The following DLGAP1 variants were observed in gnomAD, a reference collection of about 807,000 sequenced individuals.
DLGAP1 encodes the protein disks large-associated protein 1.
DLGAP1 carries 11 observed loss-of-function variants against 90.8 expected under a neutral mutation model. That is an observed-to-expected ratio of 0.12 (90% confidence interval 0.08 to 0.20). The LOEUF is 0.20. Among genes scored for constraint, DLGAP1 ranks in the 10% least tolerant of loss-of-function variants. DLGAP1 has a pLI of 1.00. For synonymous variants in DLGAP1, 558 were observed against 540.7 expected, an observed-to-expected ratio of 1.03 and a Z score of -0.44; for missense variants, 1,050 against 1,333.8, an observed-to-expected ratio of 0.79 and a Z score of 3.31.
intron 10 of DLGAP1, among the ~76,000 whole-genome samples, chr18:3,512,426 C>T (rs775636585): frequency 6.6e-6 from 1 of 152,108 alleles, no homozygotes; most frequent in Non-Finnish European, 1.5e-5. Context: ...GGGATTCTTC[C>T]TATTTAAGAA....
At chr18:4,419,996 T>C (rs931412370) in intron 1 of DLGAP1, among the ~76,000 whole-genome samples, 5 of 152,026 alleles carry the variant, frequency 3.3e-5, no homozygotes, top group African/African-American at 9.7e-5. Context: ...AATAAGTAGA[T>C]GGAAGAAGTT....
At chr18:4,442,998 T>A (rs1940951702) in intron 1 of DLGAP1, among the ~76,000 whole-genome samples, 1 of 152,206 alleles carries the variant, frequency 6.6e-6, no homozygotes, top group African/African-American at 2.4e-5. Flanking sequence ...AAGGAATGAA[T>A]GAATGGATTG....
rs1252749734 is a variant in DLGAP1, at chr18:4,022,987, T to C, written c.-158-17786A>G. On this transcript the variant is annotated intron_variant, in intron 2 of 12. Coordinates refer to ENST00000315677, the MANE Select transcript of DLGAP1 (RefSeq NM_004746.4). Reference sequence around the variant, plus strand: ...CCACACTAAATGTCAGCAAACTCAGTGAGATTATTTTCCCAAATAGCTCTG... The same window carrying C: ...CCACACTAAATGTCAGCAAACTCAGCGAGATTATTTTCCCAAATAGCTCTG... 2.0e-5 allele frequency among the ~76,000 whole-genome samples: 3 copies of C among 147,942 alleles called. 1 individual carries two copies. Among genetic ancestry groups the C allele is most frequent in the Admixed American group, 1.3e-4 (2 of 14,932 alleles).
chr18:3,822,683 G>A (rs2067486625), intron 4 of DLGAP1, among the ~76,000 whole-genome samples: 1 of 152,204 alleles, frequency 6.6e-6, no homozygotes, highest in Admixed American at 6.5e-5. Context: ...AAATGCCACT[G>A]ATAAATAGCC....
chr18:3,823,716 G>A (rs755148483), intron 4 of DLGAP1, among the ~76,000 whole-genome samples: 2 of 152,028 alleles, frequency 1.3e-5, no homozygotes, highest in South Asian at 2.1e-4. Context: ...TTGGGAGGCC[G>A]AGGCGGGCAG....
intron 4 of DLGAP1, among the ~76,000 whole-genome samples, chr18:3,831,698 A>G (rs538347661): frequency 1.3e-5 from 2 of 152,370 alleles, no homozygotes; most frequent in African/African-American, 4.8e-5. Flanking sequence ...GAACTGGGTT[A>G]GAATTCAGAT....
At chr18:4,137,662 A>C (rs1054610351) in intron 2 of DLGAP1, among the ~76,000 whole-genome samples, 2 of 152,280 alleles carry the variant, frequency 1.3e-5, no homozygotes, top group East Asian at 1.9e-4. Context: ...ATTTCTGTGA[A>C]GAATATCTTT....
At chr18:3,718,426 G>A (rs1196435779) in intron 7 of DLGAP1, among the ~76,000 whole-genome samples, 1 of 152,038 alleles carries the variant, frequency 6.6e-6, no homozygotes, top group African/African-American at 2.4e-5. Context: ...GGTCATGTTT[G>A]ATGGGGGCAT....
chr18:4,182,240 CAGA>C (rs1384638708), intron 1 of DLGAP1, among the ~76,000 whole-genome samples: 1 of 152,088 alleles, frequency 6.6e-6, no homozygotes, highest in Non-Finnish European at 1.5e-5. Context: ...TAAGAACAAG[CAGA>C]AGCAGGAAGG....
At chr18:4,430,200 G>A (rs144522781) in intron 1 of DLGAP1, among the ~76,000 whole-genome samples, 38 of 152,256 alleles carry the variant, frequency 2.5e-4, no homozygotes, top group African/African-American at 8.4e-4. Flanking sequence ...GGTGTGGTTA[G>A]GGTATTTGTT....
intron 5 of DLGAP1, among the ~76,000 whole-genome samples, chr18:3,753,979 C>A (rs779849463): frequency 6.6e-5 from 10 of 152,116 alleles, no homozygotes; most frequent in Non-Finnish European, 1.3e-4. Context: ...TGCAAATAAC[C>A]TATGCACATC....
chr18:4,231,105 T>C (rs894516525), intron 1 of DLGAP1, among the ~76,000 whole-genome samples: 15 of 152,102 alleles, frequency 9.9e-5, no homozygotes, highest in Non-Finnish European at 1.9e-4. Context: ...TCTTATTTAT[T>C]GTCAGAAATA....
chr18:3,993,443 A>G (rs531162075), intron 3 of DLGAP1, among the ~76,000 whole-genome samples: 1 of 151,642 alleles, frequency 6.6e-6, no homozygotes, highest in African/African-American at 2.4e-5. Context: ...CAGACTTAGA[A>G]TGTGTGCTAA....
At chr18:3,674,787 A>G (rs2060237969) in intron 7 of DLGAP1, among the ~76,000 whole-genome samples, 1 of 148,952 alleles carries the variant, frequency 6.7e-6, no homozygotes. Flanking sequence ...GTCCACCACA[A>G]TCATCACCCC....
chr18:3,568,355 T>C (rs2054554584), intron 8 of DLGAP1, among the ~76,000 whole-genome samples: 1 of 152,192 alleles, frequency 6.6e-6, no homozygotes, highest in African/African-American at 2.4e-5. Flanking sequence ...AAGAATTGAC[T>C]TTGAATATCA....
At chr18:4,247,781 A>G (rs1202707818) in intron 1 of DLGAP1, among the ~76,000 whole-genome samples, 1 of 152,164 alleles carries the variant, frequency 6.6e-6, no homozygotes, top group Non-Finnish European at 1.5e-5. Context: ...CATCTTAAAA[A>G]AAAAGTTATC....
intron 2 of DLGAP1, among the ~76,000 whole-genome samples, chr18:4,043,222 C>A (rs8086971): frequency 0.42 from 63,547 of 152,028 alleles, 13,976 homozygotes; most frequent in Non-Finnish European, 0.5. Context: ...GCAAAACAAT[C>A]AAATTTAATT....
intron 1 of DLGAP1, among the ~76,000 whole-genome samples, chr18:4,153,471 C>T (rs2076706733): frequency 6.6e-6 from 1 of 152,158 alleles, no homozygotes; most frequent in African/African-American, 2.4e-5. Flanking sequence ...ACTCCTGATT[C>T]TCCATTTTCT....
chr18:3,893,562 A>G (rs1027614169), intron 3 of DLGAP1, among the ~76,000 whole-genome samples: 38 of 149,570 alleles, frequency 2.5e-4, no homozygotes, highest in African/African-American at 9.4e-4. Flanking sequence ...CTGGGCGACA[A>G]GAGCAAAACT....
Sources: gnomAD v4.1 joint callset for allele counts (sites outside exome capture counted in the v4.1 genomes callset) on GRCh38, gnomAD v4.1.1 for gene constraint, MANE v1.5 for transcripts, NCBI Gene and HGNC (gene_info 2026-07-23, HGNC 2026-07-21) for gene names.